The following TAPT1 variants were observed in gnomAD, a reference collection of about 807,000 sequenced individuals.
TAPT1 encodes the protein transmembrane anterior posterior transformation 1, also known as transmembrane anterior posterior transformation protein 1 homolog.
In TAPT1, 28 loss-of-function variants were observed where a neutral mutation model predicts 65.6. The ratio of observed to expected loss-of-function variants is 0.43; its 90% CI spans 0.32 to 0.59. The LOEUF (loss-of-function observed/expected upper bound fraction) is 0.59, where lower values mean the gene tolerates loss of function less well. Among genes scored for constraint, TAPT1 ranks in the 20% least tolerant of loss-of-function variants. The probability of loss-of-function intolerance (pLI) is 0.09; values close to 1 mark genes in which losing one functional copy is unlikely to be tolerated. For synonymous variants in TAPT1, 278 were observed against 245.2 expected (o/e 1.13, Z -1.25); for missense variants, 563 against 679.9 (o/e 0.83, Z 1.91).
intron 3 of TAPT1, among the ~76,000 whole-genome samples, chr4:16,194,859 G>C (rs1749593642): frequency 5.4e-5 from 8 of 146,990 alleles, no homozygotes; most frequent in African/African-American, 2.1e-4. Flanking sequence ...CTTGATTTCT[G>C]TCTTCTTCTT....
intron 1 of TAPT1, among the ~76,000 whole-genome samples, chr4:16,219,055 A>T (rs1235009230): frequency 6.6e-6 from 1 of 152,206 alleles, no homozygotes; most frequent in East Asian, 1.9e-4. Context: ...ATAAAAACAT[A>T]ACCTATTTTG....
At chr4:16,175,486 G>GTAC (rs1560155683) in intron 9 of TAPT1, among the ~76,000 whole-genome samples, 2 of 151,998 alleles carry the variant, frequency 1.3e-5, no homozygotes, top group African/African-American at 4.8e-5. Context: ...GTTATTAAAA[G>GTAC]TACTACCCAG....
Position 16,191,099 on chromosome 4 carries a change from C to T in TAPT1, c.612+262G>A, listed in dbSNP as rs182002875. ...CCTACATGAGGACATGCCATGCCTGCAGGCTTGCCACCAGAGGTGTGTCCC... is the reference window on the plus strand; with the variant it reads ...CCTACATGAGGACATGCCATGCCTGTAGGCTTGCCACCAGAGGTGTGTCCC... On this transcript the variant is annotated intron_variant, in intron 4 of 13. Transcript: ENST00000405303. The T allele has an allele frequency of 2.4e-5, 8 of 332,938 alleles. No individual in the cohort carries two copies. The East Asian group carries it at 2.9e-4, about 12-fold the overall frequency. 20.6% of individuals were successfully genotyped at this position (332,938 alleles called of 1,614,324 possible).
At chr4:16,200,210 C>T (rs903155829) in intron 3 of TAPT1, among the ~76,000 whole-genome samples, 4 of 152,266 alleles carry the variant, frequency 2.6e-5, no homozygotes, top group Admixed American at 1.3e-4. Flanking sequence ...TCTTTAAAAG[C>T]CGTCCACATA....
intron 2 of TAPT1, among the ~76,000 whole-genome samples, chr4:16,203,930 ATT>A (rs1162746818): frequency 2.0e-5 from 3 of 152,308 alleles, no homozygotes; most frequent in Non-Finnish European, 1.5e-5. Flanking sequence ...GTTTTTAACA[ATT>A]TAGACTCATT....
Position 16,205,737 on chromosome 4 carries a change from AGCAT to A in TAPT1, c.331-3161_331-3158del, listed in dbSNP as rs947437466. The stretch of plus-strand genomic sequence containing the variant: ...GGACCGAATTTCAAACCAAGGAAAG[AGCAT>A]GCACAGGTACAATGTGAGTAGCCTC... On this transcript the variant is annotated intron_variant, in intron 2 of 13. Coordinates refer to ENST00000405303, the MANE Select transcript of TAPT1 (RefSeq NM_153365.3). Among the ~76,000 whole-genome samples the A allele has an allele frequency of 1.9e-3, 293 of 152,198 alleles. 1 individual carries two copies. Among genetic ancestry groups the A allele is most frequent in the Non-Finnish European group, 3.2e-3 (221 of 68,010 alleles).
chr4:16,174,277 A>G lies in TAPT1; in HGVS notation c.1168-5T>C. 3 of 1,598,962 alleles carry G rather than the reference A, an allele frequency of 1.9e-6. No homozygotes were observed. Among genetic ancestry groups the G allele is most frequent in the Non-Finnish European group, 2.6e-6 (3 of 1,173,150 alleles). On this transcript the variant is annotated splice_region_variant and splice_polypyrimidine_tract_variant and intron_variant, in intron 10 of 13. Transcript: ENST00000405303. Reference sequence around the variant, plus strand: ...GTCACTGTAATCAGTGTATGCCTGAACAGAGAAAGAAGCAAAAGATTCAGA... The same window carrying G: ...GTCACTGTAATCAGTGTATGCCTGAGCAGAGAAAGAAGCAAAAGATTCAGA...
rs1747218692 is a variant in TAPT1, at chr4:16,161,059, C to T, written c.*2249G>A. ...AATATTTTGTGTGACATTCAAAACACTTGTAAAATGCAAATACCTTCATTT... is the reference window on the plus strand; with the variant it reads ...AATATTTTGTGTGACATTCAAAACATTTGTAAAATGCAAATACCTTCATTT... On this transcript the variant is annotated 3_prime_UTR_variant, in exon 14 of 14. Transcript: ENST00000405303. 6.6e-6 allele frequency: 1 copy of T among 152,620 alleles called. No homozygotes were observed. Among genetic ancestry groups the T allele is most frequent in the South Asian group, 2.1e-4 (1 of 4,836 alleles). 9.5% of individuals were successfully genotyped at this position (152,620 alleles called of 1,614,324 possible). A position where few individuals can be genotyped will look rare whatever the true frequency, so the allele number is the denominator to read the frequency against.
rs1271033219 is a variant in TAPT1, at chr4:16,172,355, AC to A, written c.1237-1627del. 5.3e-5 allele frequency among the ~76,000 whole-genome samples: 8 copies of A among 151,572 alleles called. No individual in the cohort carries two copies. The South Asian group carries it at 1.7e-3, about 32-fold the overall frequency. On this transcript the variant is annotated intron_variant, in intron 11 of 13. Transcript: ENST00000405303. ...AAATCCAACCATCTGACCAATCCTT[AC>A]AAAAAAAAAAAAATTCAGGCCTTGT...
chr4:16,194,862 T>TCCTCCTCCTCCTCC (rs1491373607), intron 3 of TAPT1, among the ~76,000 whole-genome samples: 1 of 17,500 alleles, frequency 5.7e-5, no homozygotes, highest in African/African-American at 1.5e-4. Flanking sequence ...GATTTCTGTC[T>TCCTCCTCCTCCTCC]TCTTCTTCTT....
chr4:16,178,938 C>T (rs984658927), intron 8 of TAPT1: 3 of 152,170 alleles, frequency 2.0e-5, no homozygotes, highest in African/African-American at 7.2e-5. Flanking sequence ...CAGTTAAAAA[C>T]CGAAAGGCTC....
intron 1 of TAPT1, among the ~76,000 whole-genome samples, chr4:16,214,991 T>C (rs759635775): frequency 1.3e-5 from 2 of 152,070 alleles, no homozygotes; most frequent in African/African-American, 4.8e-5. Context: ...GGGAAGCGTT[T>C]ATAGTAAAAA....
intron 6 of TAPT1, 65 bp downstream of exon 6, chr4:16,186,716 A>AC (rs1749040030): frequency 1.4e-6 from 2 of 1,415,744 alleles, no homozygotes; most frequent in Non-Finnish European, 9.9e-7. Context: ...ATTTTATCCC[A>AC]CCCAGAGTAT....
chr4:16,168,492 T>C (rs1179273601), intron 12 of TAPT1, among the ~76,000 whole-genome samples: 1 of 152,172 alleles, frequency 6.6e-6, no homozygotes, highest in Non-Finnish European at 1.5e-5. Context: ...GCCTGGTGCC[T>C]GCTGTTCCTC....
chr4:16,206,004 T>A (rs960240907), intron 2 of TAPT1, among the ~76,000 whole-genome samples: 1 of 152,178 alleles, frequency 6.6e-6, no homozygotes, highest in Non-Finnish European at 1.5e-5. Flanking sequence ...AACTCACATA[T>A]AGGGATCAAC....
At chr4:16,201,639 A>T (rs1750038610) in intron 3 of TAPT1, among the ~76,000 whole-genome samples, 1 of 152,188 alleles carries the variant, frequency 6.6e-6, no homozygotes, top group African/African-American at 2.4e-5. Flanking sequence ...AGACCAATAA[A>T]GCATTAAGCT....
chr4:16,186,626 C>A (rs1345880480), intron 6 of TAPT1, 22 bp from the exon 7 acceptor site: 1 of 1,478,092 alleles, frequency 6.8e-7, no homozygotes, highest in Admixed American at 2.0e-5. Context: ...AACAGAAATA[C>A]CATCTTTATG....
chr4:16,193,750 C>A (rs1228223234), intron 3 of TAPT1, among the ~76,000 whole-genome samples: 1 of 152,180 alleles, frequency 6.6e-6, no homozygotes, highest in African/African-American at 2.4e-5. Context: ...CGTGAGCCAC[C>A]AGCCCCCACT....
chr4:16,212,421 C>T (rs1267316856), intron 2 of TAPT1, among the ~76,000 whole-genome samples: 1 of 152,220 alleles, frequency 6.6e-6, no homozygotes, highest in Non-Finnish European at 1.5e-5. Context: ...GCAAAGCAAG[C>T]TAACAGTCTT....
Sources: allele counts gnomAD v4.1 joint callset (sites outside exome capture counted in the v4.1 genomes callset), GRCh38; gene constraint gnomAD v4.1.1; transcripts MANE v1.5; gene names NCBI Gene and HGNC (gene_info 2026-07-23, HGNC 2026-07-21).